Variants in LMO1 observed in about 807,000 individuals in gnomAD.
LMO1 encodes rhombotin-1.
A neutral mutation model predicts 18.0 loss-of-function variants in LMO1; 10 were observed. The ratio of observed to expected loss-of-function variants is 0.55; its 90% CI spans 0.34 to 0.94. The LOEUF (loss-of-function observed/expected upper bound fraction) is 0.94. LMO1 is among the 40% of genes least tolerant of loss of function. The pLI, the probability that LMO1 is intolerant of heterozygous loss-of-function variation, is 0.02. For synonymous variants in LMO1, 77 were observed against 77.9 expected (o/e 0.99, Z 0.06); for missense variants, 183 against 205.7 (o/e 0.89, Z 0.68).
At chr11:8,236,191 G>A (rs1565179479) in intron 1 of LMO1, among the ~76,000 whole-genome samples, 2 of 139,680 alleles carry the variant, frequency 1.4e-5, no homozygotes, top group African/African-American at 5.0e-5. Flanking sequence ...TGTAGCCTTG[G>A]TATTTTTTTT....
chr11:8,226,089 C>T (rs1952534610), intron 3 of LMO1, among the ~76,000 whole-genome samples: 1 of 152,212 alleles, frequency 6.6e-6, no homozygotes. Context: ...GGACTTTGCC[C>T]TCCAGATTTG....
intron 1 of LMO1, among the ~76,000 whole-genome samples, chr11:8,231,308 G>T (rs529338569): frequency 1.3e-5 from 2 of 152,374 alleles, no homozygotes; most frequent in African/African-American, 4.8e-5. Flanking sequence ...CCAATGTGAT[G>T]TTCACCACAG....
At chr11:8,260,065 C>T (rs1847160537) in intron 1 of LMO1, among the ~76,000 whole-genome samples, 1 of 152,164 alleles carries the variant, frequency 6.6e-6, no homozygotes, top group South Asian at 2.1e-4. Flanking sequence ...CTGAGAGCAT[C>T]CCAGCATCCC....
intron 1 of LMO1, among the ~76,000 whole-genome samples, chr11:8,237,955 G>T (rs887689411): frequency 6.6e-6 from 1 of 152,250 alleles, no homozygotes; most frequent in Non-Finnish European, 1.5e-5. Context: ...GATTAAATTG[G>T]ATAATCAACA....
chr11:8,257,898 G>A (rs1178471590), intron 1 of LMO1, among the ~76,000 whole-genome samples: 1 of 152,224 alleles, frequency 6.6e-6, no homozygotes, highest in East Asian at 1.9e-4. Flanking sequence ...TACTGTAACT[G>A]AGCATGGAGC....
chr11:8,246,872 G>C (rs1434229663), intron 1 of LMO1, among the ~76,000 whole-genome samples: 1 of 152,144 alleles, frequency 6.6e-6, no homozygotes, highest in African/African-American at 2.4e-5. Context: ...AGCCTCACAG[G>C]GGGCAGGCCC....
intron 1 of LMO1, among the ~76,000 whole-genome samples, chr11:8,245,078 T>C (rs1338989530): frequency 6.6e-6 from 1 of 152,226 alleles, no homozygotes; most frequent in Non-Finnish European, 1.5e-5. Flanking sequence ...CTTGTTGTGG[T>C]GCTGTAAGTT....
upstream of LMO1, among the ~76,000 whole-genome samples, chr11:8,266,727 G>A (rs1847265114): frequency 6.6e-6 from 1 of 152,212 alleles, no homozygotes; most frequent in African/African-American, 2.4e-5. Context: ...GAGATAGTGG[G>A]ACCCAGGGCC....
In LMO1 at chr11:8,230,592, G is replaced by C; in HGVS notation, c.26-88C>G. 6.8e-6 allele frequency: 9 copies of C among 1,315,372 alleles called. No homozygotes were observed. The South Asian group carries it at 9.0e-5, about 13-fold the overall frequency. 81.5% of individuals were successfully genotyped at this position (1,315,372 alleles called of 1,614,324 possible). On this transcript the variant is annotated intron_variant, in intron 1 of 3. Transcript: ENST00000335790. ...ATCCCCCAAGAATGGGGAGCTCACT[G>C]CTTCTCTCTGCTGCCCCCTCTAGGT...
intron 3 of LMO1, among the ~76,000 whole-genome samples, chr11:8,226,205 C>T (rs1207253390): frequency 1.3e-5 from 2 of 151,990 alleles, no homozygotes; most frequent in African/African-American, 4.8e-5. Context: ...GTTTCAAACA[C>T]GTATACAGGC....
chr11:8,232,747 G>T lies in LMO1; in HGVS notation c.26-2243C>A, dbSNP rs181652336. ...ATATTTGGGCTATTACCAGAACATG[G>T]GTGAATGGCTGGAACCTCCGTACTC... On this transcript the variant is annotated intron_variant, in intron 1 of 3. Transcript: ENST00000335790. Among the ~76,000 whole-genome samples the T allele has an allele frequency of 4.4e-4, 67 of 152,288 alleles. 1 individual carries two copies. The highest frequency in any genetic ancestry group is 4.1e-3 in the East Asian group (21 of 5,172).
intron 1 of LMO1, among the ~76,000 whole-genome samples, chr11:8,234,726 G>C (rs1415802708): frequency 6.6e-6 from 1 of 152,180 alleles, no homozygotes; most frequent in Non-Finnish European, 1.5e-5. Context: ...TCTCCTGCTT[G>C]GCACTGCTGG....
intron 1 of LMO1, among the ~76,000 whole-genome samples, chr11:8,262,695 G>A (rs1163913966): frequency 6.6e-6 from 1 of 152,206 alleles, no homozygotes; most frequent in African/African-American, 2.4e-5. Context: ...CCAAACTCCC[G>A]CCTCCGCGCT....
Position 8,224,315 on chromosome 11 carries a change from A to G in LMO1, c.*301T>C, listed in dbSNP as rs1453651082. 3 of 400,360 alleles carry G rather than the reference A, an allele frequency of 7.5e-6. No homozygotes were observed. The highest frequency in any genetic ancestry group is 3.8e-5 in the Admixed American group (1 of 26,310). The allele number at this position is 400,360 out of a possible 1,614,324, so 24.8% of individuals were successfully genotyped here. On this transcript the variant is annotated 3_prime_UTR_variant, in exon 4 of 4. Transcript: ENST00000335790. ...TGAACAACGCAGAGTAACCTCCCGG[A>G]AACATTCATAAGTTTAATCCACGCC...
At chr11:8,230,990 G>A (rs930428172) in intron 1 of LMO1, among the ~76,000 whole-genome samples, 7 of 152,298 alleles carry the variant, frequency 4.6e-5, no homozygotes, top group Non-Finnish European at 1.0e-4. Context: ...CAGCCTCTTG[G>A]TCTATCCATG....
intron 1 of LMO1, among the ~76,000 whole-genome samples, chr11:8,252,008 ATGTGTGTGAG>A (rs1847010116): frequency 6.8e-6 from 1 of 147,764 alleles, no homozygotes; most frequent in Admixed American, 6.7e-5. Flanking sequence ...GTGTGTGTGA[ATGTGTGTGAG>A]TGTGTGTGTG....
intron 1 of LMO1, among the ~76,000 whole-genome samples, chr11:8,248,997 T>G (rs34494077): frequency 6.6e-6 from 1 of 152,142 alleles, no homozygotes; most frequent in Non-Finnish European, 1.5e-5. Context: ...GGGACAAAGC[T>G]GGGCAAGGAC....
rs1249181845 is a variant in LMO1, at chr11:8,226,958, G to A, written c.365+17C>T. 3.1e-6 allele frequency: 5 copies of A among 1,604,364 alleles called. No homozygotes were observed. The highest frequency in any genetic ancestry group is 1.1e-5 in the South Asian group (1 of 90,402). On this transcript the variant is annotated intron_variant, in intron 3 of 3. Transcript: ENST00000335790. ...GGCGTCTGGGGAGTGTGTTGGGTCG[G>A]CCAGTCCAGCACTGACCTCTGGTTG...
At chr11:8,248,319 G>C (rs1846930081) in intron 1 of LMO1, among the ~76,000 whole-genome samples, 1 of 152,264 alleles carries the variant, frequency 6.6e-6, no homozygotes, top group South Asian at 2.1e-4. Flanking sequence ...TGCCATGGAA[G>C]GGAGGGCAGG....
Sources: gnomAD v4.1 joint callset for allele counts (sites outside exome capture counted in the v4.1 genomes callset) on GRCh38, gnomAD v4.1.1 for gene constraint, MANE v1.5 for transcripts, NCBI Gene and HGNC (gene_info 2026-07-23, HGNC 2026-07-21) for gene names.